NOS1AP: variants seen among roughly 807,000 people sequenced by gnomAD.
NOS1AP encodes nitric oxide synthase 1 adaptor protein.
NOS1AP carries 21 observed loss-of-function variants against 56.2 expected under a neutral mutation model. The ratio of observed to expected loss-of-function variants is 0.37; its 90% CI spans 0.26 to 0.54. The LOEUF (loss-of-function observed/expected upper bound fraction) is 0.54, where lower values mean the gene tolerates loss of function less well. Among genes scored for constraint, NOS1AP ranks in the 20% least tolerant of loss-of-function variants. NOS1AP has a pLI of 0.84. For missense variants in NOS1AP, 522 were observed against 657.8 expected (o/e 0.79, Z 2.26); for synonymous variants, 270 against 274.6 (o/e 0.98, Z 0.17).
Position 162,275,379 on chromosome 1 carries a change from T to C in NOS1AP, c.178-11965T>C, listed in dbSNP as rs184565473. On this transcript the variant is annotated intron_variant, in intron 2 of 9. Transcript: ENST00000361897. The stretch of plus-strand genomic sequence containing the variant: ...TTTTAATAGAGATGGGGTTTCACCA[T>C]GTTGGCCAGGCTGGTCTTGAACTCC... Among the ~76,000 whole-genome samples, 11 of 152,344 alleles carry C rather than the reference T, an allele frequency of 7.2e-5. No homozygotes were observed. In the East Asian group the frequency reaches 1.3e-3, roughly 19 times the overall value.
At chr1:162,218,377 A>G (rs758648703) in intron 2 of NOS1AP, among the ~76,000 whole-genome samples, 2 of 152,188 alleles carry the variant, frequency 1.3e-5, no homozygotes, top group African/African-American at 4.8e-5. Context: ...ATAAATCACT[A>G]TCATAATGGC....
intron 3 of NOS1AP, among the ~76,000 whole-genome samples, chr1:162,289,218 TTCCTTCCTTCC>T (rs1557864703): frequency 0.062 from 671 of 10,762 alleles, 24 homozygotes; most frequent in African/African-American, 0.17. Flanking sequence ...CTTTCCTTCC[TTCCTTCCTTCC>T]TTCCTTCCTT....
chr1:162,332,992 C>T (rs971103814), intron 4 of NOS1AP, 25 bp from the exon 5 acceptor site: 2 of 1,539,338 alleles, frequency 1.3e-6, no homozygotes, highest in Admixed American at 3.3e-5. Flanking sequence ...ATTTTCAGTG[C>T]ATTTTTCTGT....
chr1:162,339,601 C>G (rs1211196092), intron 5 of NOS1AP, among the ~76,000 whole-genome samples: 7 of 152,178 alleles, frequency 4.6e-5, no homozygotes. Context: ...GACCCACAGA[C>G]AAGCATTCAT....
chr1:162,107,826 G>A (rs971969675), intron 1 of NOS1AP, among the ~76,000 whole-genome samples: 1 of 152,104 alleles, frequency 6.6e-6, no homozygotes, highest in Non-Finnish European at 1.5e-5. Flanking sequence ...TACCCAAAGT[G>A]CAGAAAACAC....
chr1:162,317,142 C>T (rs1656255418), intron 4 of NOS1AP: 1 of 102,820 alleles, frequency 9.7e-6, no homozygotes, highest in African/African-American at 3.8e-5. Context: ...ATGGCAGCCC[C>T]TGACAGATGA....
chr1:162,306,040 A>T (rs1199861247), intron 4 of NOS1AP, among the ~76,000 whole-genome samples: 1 of 152,182 alleles, frequency 6.6e-6, no homozygotes, highest in Non-Finnish European at 1.5e-5. Context: ...TGTAATAAGG[A>T]ATTTGCTATA....
At chr1:162,194,148 T>C (rs1651727798) in intron 2 of NOS1AP, among the ~76,000 whole-genome samples, 1 of 152,170 alleles carries the variant, frequency 6.6e-6, no homozygotes, top group Admixed American at 6.6e-5. Flanking sequence ...TTCGTCTCCA[T>C]CTGGTTTTCA....
intron 2 of NOS1AP, among the ~76,000 whole-genome samples, chr1:162,224,996 A>C (rs888628171): frequency 1.3e-5 from 2 of 152,188 alleles, no homozygotes; most frequent in Admixed American, 6.5e-5. Context: ...TAAGGTTCTA[A>C]TGAGCTTTCT....
intron 4 of NOS1AP, among the ~76,000 whole-genome samples, chr1:162,321,557 C>T (rs371987806): frequency 6.6e-6 from 1 of 151,606 alleles, no homozygotes; most frequent in Non-Finnish European, 1.5e-5. Context: ...CATCACACAC[C>T]AGGGCCTGTT....
At chr1:162,302,682 C>T (rs1396447088) in intron 4 of NOS1AP, among the ~76,000 whole-genome samples, 4 of 152,252 alleles carry the variant, frequency 2.6e-5, no homozygotes, top group East Asian at 1.9e-4. Flanking sequence ...AATTGGCATG[C>T]AAAAATCAAA....
chr1:162,173,632 A>G (rs534811086), intron 2 of NOS1AP, among the ~76,000 whole-genome samples: 2 of 152,334 alleles, frequency 1.3e-5, no homozygotes, highest in South Asian at 4.1e-4. Flanking sequence ...TGAACAGGCA[A>G]CCTACAGAAT....
Position 162,333,143 on chromosome 1 carries a change from G to A in NOS1AP, c.453+18G>A, listed in dbSNP as rs374907852. The A allele has an allele frequency of 1.5e-5, 23 of 1,542,516 alleles. No individual in the cohort carries two copies. Among genetic ancestry groups the A allele is most frequent in the Middle Eastern group, 1.7e-4 (1 of 5,968 alleles). ...AGAAGAAGGTAAAGAGGCGGTTGCCGTCCATCTGCTATTTTCCTCTAATGG... is the reference window on the plus strand; with the variant it reads ...AGAAGAAGGTAAAGAGGCGGTTGCCATCCATCTGCTATTTTCCTCTAATGG... On this transcript the variant is annotated intron_variant, in intron 5 of 9. Coordinates refer to ENST00000361897, the MANE Select transcript of NOS1AP (RefSeq NM_014697.3).
chr1:162,123,389 C>G (rs1315497471), intron 1 of NOS1AP, among the ~76,000 whole-genome samples: 1 of 152,136 alleles, frequency 6.6e-6, no homozygotes, highest in Non-Finnish European at 1.5e-5. Context: ...CCAGGCTGGT[C>G]TCGAACTTCT....
chr1:162,150,906 G>A (rs763058606), intron 1 of NOS1AP, among the ~76,000 whole-genome samples: 1 of 152,112 alleles, frequency 6.6e-6, no homozygotes, highest in Non-Finnish European at 1.5e-5. Context: ...CCCATCCTGT[G>A]GATTGTCTCT....
intron 2 of NOS1AP, among the ~76,000 whole-genome samples, chr1:162,281,088 A>C (rs571420615): frequency 1.4e-4 from 22 of 152,322 alleles, no homozygotes; most frequent in Non-Finnish European, 2.8e-4. Context: ...CTGTACAGTC[A>C]AATGATTACG....
intron 1 of NOS1AP, among the ~76,000 whole-genome samples, chr1:162,078,898 C>T (rs77350791): frequency 0.02 from 3,071 of 152,260 alleles, 114 homozygotes; most frequent in African/African-American, 0.07. Context: ...GCTGCTTGTC[C>T]TGTCCAATTT....
chr1:162,352,647 G>A (rs1358200624), intron 6 of NOS1AP, among the ~76,000 whole-genome samples: 1 of 152,032 alleles, frequency 6.6e-6, no homozygotes, highest in South Asian at 2.1e-4. Context: ...ACTCTCTTCT[G>A]GTTCGCAAAC....
intron 4 of NOS1AP, among the ~76,000 whole-genome samples, chr1:162,305,521 T>A (rs1429983694): frequency 6.6e-6 from 1 of 152,198 alleles, no homozygotes; most frequent in Non-Finnish European, 1.5e-5. Context: ...ATCCTAGCTC[T>A]TATCTCTGGA....
Sources: allele counts gnomAD v4.1 joint callset (sites outside exome capture counted in the v4.1 genomes callset), GRCh38; gene constraint gnomAD v4.1.1; transcripts MANE v1.5; gene names NCBI Gene and HGNC (gene_info 2026-07-23, HGNC 2026-07-21).